DPP6: variants seen among roughly 807,000 people sequenced by gnomAD.
DPP6 encodes dipeptidyl peptidase like 6, also known as A-type potassium channel modulatory protein DPP6.
Under a neutral mutation model 122.6 loss-of-function variants are expected in DPP6, and 69 were observed. The observed-to-expected ratio is 0.56, with a 90% confidence interval of 0.46 to 0.69. The LOEUF (loss-of-function observed/expected upper bound fraction) is 0.69. Ranked by LOEUF, DPP6 falls within the 30% of genes least tolerant of loss-of-function variation. DPP6 has a pLI of 0.00. For missense variants in DPP6, 928 were observed against 1,116.9 expected (o/e 0.83, Z 2.41); for synonymous variants, 418 against 433.1 (o/e 0.97, Z 0.43).
At chr7:154,774,302 G>A (rs1796435801) in intron 10 of DPP6, among the ~76,000 whole-genome samples, 1 of 152,156 alleles carries the variant, frequency 6.6e-6, no homozygotes, top group African/African-American at 2.4e-5. Context: ...TCAGATGATT[G>A]CTTTGGCTTT....
intron 1 of DPP6, among the ~76,000 whole-genome samples, chr7:154,327,205 G>A (rs1808520531): frequency 6.6e-6 from 1 of 152,106 alleles, no homozygotes; most frequent in Non-Finnish European, 1.5e-5. Flanking sequence ...AATGATGGGT[G>A]GCAGGATAAA....
At position 154,801,481 on chromosome 7, in the gene DPP6, C is replaced by T. The variant is rs551982278; in HGVS notation, c.1407+19C>T. On this transcript the variant is annotated intron_variant, in intron 13 of 25. Transcript: ENST00000377770. The stretch of plus-strand genomic sequence containing the variant: ...GTCCCAGGTAAGTCCTGCTAGTTTC[C>T]GGAGCTGAACTAGAAACTGGCCTGC... 2.2e-4 allele frequency: 337 copies of T among 1,550,810 alleles called. No homozygotes were observed. The highest frequency in any genetic ancestry group is 2.9e-4 in the Non-Finnish European group (328 of 1,145,532).
intron 16 of DPP6, among the ~76,000 whole-genome samples, chr7:154,809,587 G>A (rs1189632969): frequency 3.3e-5 from 5 of 152,130 alleles, no homozygotes; most frequent in Non-Finnish European, 7.3e-5. Context: ...ACAAGCATCC[G>A]GGTTAATAAA....
intron 1 of DPP6, among the ~76,000 whole-genome samples, chr7:153,977,944 A>G (rs968691751): frequency 6.6e-6 from 1 of 152,030 alleles, no homozygotes; most frequent in African/African-American, 2.4e-5. Flanking sequence ...TTCTTTATCC[A>G]GTCTGTCATT....
At chr7:154,250,654 T>C (rs1277295650) in intron 1 of DPP6, among the ~76,000 whole-genome samples, 4 of 152,214 alleles carry the variant, frequency 2.6e-5, no homozygotes, top group Non-Finnish European at 5.9e-5. Flanking sequence ...AAAAATGTCT[T>C]GCCTGTTTCT....
intron 1 of DPP6, among the ~76,000 whole-genome samples, chr7:154,060,339 A>T (rs1801575046): frequency 1.0e-5 from 1 of 100,298 alleles, no homozygotes; most frequent in African/African-American, 4.1e-5. Context: ...AGGGGGAGGC[A>T]CCCCCCGCGA....
At chr7:154,829,109 G>T (rs1017308597) in intron 16 of DPP6, among the ~76,000 whole-genome samples, 3 of 152,086 alleles carry the variant, frequency 2.0e-5, no homozygotes, top group Non-Finnish European at 4.4e-5. Flanking sequence ...GAGGCTGAGC[G>T]CAGTGGCTCA....
the DPP6 span, among the ~76,000 whole-genome samples, chr7:153,827,992 G>A: frequency 1.3e-5 from 2 of 152,174 alleles, no homozygotes; most frequent in Non-Finnish European, 2.9e-5. Context: ...GTGTCAGTGG[G>A]GACTCCACAA....
At chr7:154,081,212 C>T (rs961000408) in intron 1 of DPP6, among the ~76,000 whole-genome samples, 2 of 151,294 alleles carry the variant, frequency 1.3e-5, no homozygotes, top group African/African-American at 4.8e-5. Flanking sequence ...TAGCAAAGGC[C>T]CTGTAGTGAG....
At chr7:154,150,721 C>T (rs956650806) in intron 1 of DPP6, among the ~76,000 whole-genome samples, 61 of 152,206 alleles carry the variant, frequency 4.0e-4, no homozygotes, top group African/African-American at 1.4e-3. Flanking sequence ...ATTCCTGGAG[C>T]GCTGGCCCAG....
At chr7:154,670,455 T>C (rs987122428) in intron 7 of DPP6, among the ~76,000 whole-genome samples, 7 of 152,330 alleles carry the variant, frequency 4.6e-5, no homozygotes, top group Middle Eastern at 3.4e-3. Context: ...AGCCCAGCCA[T>C]GTAGTGAAGA....
Position 154,273,349 on chromosome 7 carries a change from G to C in DPP6, c.244-172865G>C, listed in dbSNP as rs368610768. 5.3e-5 allele frequency among the ~76,000 whole-genome samples: 8 copies of C among 152,158 alleles called. No individual in the cohort carries two copies. In the East Asian group the frequency reaches 5.8e-4, roughly 11 times the overall value. On this transcript the variant is annotated intron_variant, in intron 1 of 25. Transcript: ENST00000377770. ...GGACCACAGGCACACATCCCCTAAA[G>C]ATCATGGAAATAATGACAAAATACA...
At chr7:153,916,297 T>C (rs573396338) in intron 1 of DPP6, among the ~76,000 whole-genome samples, 7 of 151,536 alleles carry the variant, frequency 4.6e-5, no homozygotes, top group African/African-American at 1.7e-4. Context: ...TAACATGTTC[T>C]TGGAGAAAGT....
intron 1 of DPP6, among the ~76,000 whole-genome samples, chr7:154,089,135 C>T (rs1487527190): frequency 6.6e-6 from 1 of 152,202 alleles, no homozygotes; most frequent in Non-Finnish European, 1.5e-5. Context: ...TTGGATTTCT[C>T]AAGAGTGACT....
intron 1 of DPP6, among the ~76,000 whole-genome samples, chr7:154,425,604 ATGTGTGTGTGTGTGTGGGTGTGTGT>A (rs1817823008): frequency 1.6e-5 from 2 of 128,234 alleles, no homozygotes; most frequent in African/African-American, 3.6e-5. Flanking sequence ...GGGGAAAAAA[ATGTGTGTGTGTGTGTGGGTGTGTGT>A]GTGTGTGTGT....
chr7:154,156,516 G>A (rs956382799), intron 1 of DPP6, among the ~76,000 whole-genome samples: 10 of 152,168 alleles, frequency 6.6e-5, no homozygotes, highest in Non-Finnish European at 1.3e-4. Context: ...GATCTTTATT[G>A]GATATAGCTG....
chr7:153,759,452 G>T, the DPP6 span, among the ~76,000 whole-genome samples: 1 of 151,966 alleles, frequency 6.6e-6, no homozygotes, highest in Non-Finnish European at 1.5e-5. Context: ...CTCTCTAGTA[G>T]CTGGGACTAC....
At chr7:154,271,238 C>G (rs113125628) in intron 1 of DPP6, among the ~76,000 whole-genome samples, 2 of 152,276 alleles carry the variant, frequency 1.3e-5, no homozygotes, top group Admixed American at 6.5e-5. Flanking sequence ...AGTGATACCC[C>G]ATTTATGTGT....
chr7:154,690,891 T>C (rs3807242), intron 7 of DPP6, among the ~76,000 whole-genome samples: 139,153 of 152,238 alleles, frequency 0.91, 63,855 homozygotes, highest in South Asian at 0.98. Flanking sequence ...AGCCCCTGCC[T>C]TAGGACCACC....
Sources: gnomAD v4.1 joint callset for allele counts (sites outside exome capture counted in the v4.1 genomes callset) on GRCh38, gnomAD v4.1.1 for gene constraint, MANE v1.5 for transcripts, NCBI Gene and HGNC (gene_info 2026-07-23, HGNC 2026-07-21) for gene names.